UBR1: variants seen among roughly 807,000 people sequenced by gnomAD.
UBR1 encodes the protein ubiquitin protein ligase E3 component n-recognin 1, also known as E3 ubiquitin-protein ligase UBR1.
In UBR1, 102 loss-of-function variants were observed where a neutral mutation model predicts 242.1. The observed-to-expected ratio is 0.42, with a 90% confidence interval of 0.36 to 0.50. The LOEUF (loss-of-function observed/expected upper bound fraction) is 0.50, where lower values mean the gene tolerates loss of function less well. Among genes scored for constraint, UBR1 ranks in the 20% least tolerant of loss-of-function variants. The pLI is 0.01. For synonymous variants in UBR1, 675 were observed against 684.8 expected (o/e 0.99, Z 0.22); for missense variants, 1,772 against 2,101.8 (o/e 0.84, Z 3.07).
chr15:43,091,111 T>A (rs1203449310), intron 1 of UBR1, among the ~76,000 whole-genome samples: 1 of 152,138 alleles, frequency 6.6e-6, no homozygotes, highest in Non-Finnish European at 1.5e-5. Context: ...GCTAATTTTG[T>A]ATTTTTAGTA....
chr15:43,087,775 C>G (rs898202271), intron 1 of UBR1, among the ~76,000 whole-genome samples: 19 of 151,840 alleles, frequency 1.3e-4, no homozygotes, highest in African/African-American at 4.6e-4. Context: ...TATTTTTAAT[C>G]GTCAAAGACT....
intron 1 of UBR1, among the ~76,000 whole-genome samples, chr15:43,090,290 C>T (rs904077957): frequency 2.6e-5 from 4 of 151,874 alleles, no homozygotes; most frequent in African/African-American, 9.7e-5. Context: ...AAAATCATGA[C>T]GACTATTTAA....
At chr15:43,068,845 T>G (rs1373041274) in intron 5 of UBR1, among the ~76,000 whole-genome samples, 1 of 152,170 alleles carries the variant, frequency 6.6e-6, no homozygotes, top group African/African-American at 2.4e-5. Flanking sequence ...GCTCTTGAAC[T>G]CCTGACCTCA....
chr15:43,000,148 G>A (rs1654604158), intron 32 of UBR1, among the ~76,000 whole-genome samples: 1 of 151,904 alleles, frequency 6.6e-6, no homozygotes, highest in Admixed American at 6.6e-5. Flanking sequence ...TTATATTCAT[G>A]CTGATTTCCT....
chr15:43,079,119 ACT>A (rs1175297845), intron 3 of UBR1, among the ~76,000 whole-genome samples: 3 of 152,286 alleles, frequency 2.0e-5, no homozygotes, highest in South Asian at 2.1e-4. Context: ...TAAGAAAGCC[ACT>A]ATAACTGGAG....
intron 33 of UBR1, among the ~76,000 whole-genome samples, chr15:42,993,081 G>C (rs961006807): frequency 6.6e-5 from 10 of 152,076 alleles, no homozygotes; most frequent in Admixed American, 3.9e-4. Context: ...TGGCTATGAG[G>C]GGCTTCTTTT....
chr15:43,100,764 G>A (rs190188537), intron 1 of UBR1, among the ~76,000 whole-genome samples: 17 of 152,312 alleles, frequency 1.1e-4, no homozygotes, highest in Non-Finnish European at 2.1e-4. Flanking sequence ...GAATCCGGGA[G>A]GCGGAGGTTG....
chr15:43,069,989 T>C (rs567712787), intron 5 of UBR1, among the ~76,000 whole-genome samples: 21 of 152,276 alleles, frequency 1.4e-4, no homozygotes, highest in African/African-American at 4.3e-4. Context: ...ACATTTAATG[T>C]CTCTATTGAT....
intron 1 of UBR1, among the ~76,000 whole-genome samples, chr15:43,098,706 G>A (rs2034190135): frequency 6.6e-6 from 1 of 152,034 alleles, no homozygotes; most frequent in Admixed American, 6.6e-5. Context: ...CAGTCATTTT[G>A]ACTTAGAGTT....
In UBR1 at chr15:43,106,032, A is replaced by T. The variant is rs1222957679; in HGVS notation, c.-10T>A. On this transcript the variant is annotated 5_prime_UTR_variant, in exon 1 of 47. Coordinates refer to ENST00000290650, the MANE Select transcript of UBR1 (RefSeq NM_174916.3). ...CCTCCTCGTCCGCCATCTTGAGGGAAACTGACGCCTGCAGTTGCCGACCCC... is the reference window on the plus strand; with the variant it reads ...CCTCCTCGTCCGCCATCTTGAGGGATACTGACGCCTGCAGTTGCCGACCCC... 1 of 1,608,544 alleles carries T rather than the reference A, an allele frequency of 6.2e-7. No homozygotes were observed. The highest frequency in any genetic ancestry group is 1.3e-5 in the African/African-American group (1 of 74,696).
At position 43,084,206 on chromosome 15, in the gene UBR1, G is replaced by A. The variant is rs184526289; in HGVS notation, c.339-1490C>T. Among the ~76,000 whole-genome samples the A allele has an allele frequency of 8.2e-4, 125 of 151,820 alleles. 1 individual carries two copies. Among genetic ancestry groups the A allele is most frequent in the Admixed American group, 1.4e-3 (21 of 15,226 alleles). ...CATTTTGGGCCAGATATCATTTGTC[G>A]GGGGTGAACCAGACTGTCCTGTGCA... On this transcript the variant is annotated intron_variant, in intron 2 of 46. Transcript: ENST00000290650.
In UBR1 at chr15:43,024,984, C is replaced by T; in HGVS notation, c.2585-1G>A. 6.2e-7 allele frequency: 1 copy of T among 1,613,860 alleles called. No homozygotes were observed. ...TCAGGAGGTGGTGGTGGCGGCAATGCTATAGGAGGTGGGGAATGGATGGGG... is the reference window on the plus strand; with the variant it reads ...TCAGGAGGTGGTGGTGGCGGCAATGTTATAGGAGGTGGGGAATGGATGGGG... On this transcript the variant is annotated splice_acceptor_variant, in intron 24 of 46. Coordinates refer to ENST00000290650, the MANE Select transcript of UBR1 (RefSeq NM_174916.3). LOFTEE classifies it high-confidence loss of function.
Position 42,960,808 on chromosome 15 carries a change from G to A in UBR1, c.4701-107C>T, listed in dbSNP as rs141191071. On this transcript the variant is annotated intron_variant, in intron 42 of 46. Coordinates refer to ENST00000290650, the MANE Select transcript of UBR1 (RefSeq NM_174916.3). ...TTTTGAGATGGATTCTCACTCTTTC[G>A]CCCAGGCTGGAGTACAGTGGCAGCA... The A allele has an allele frequency of 2.6e-4, 313 of 1,193,742 alleles. 2 individuals are homozygous for A. The African/African-American group carries it at 3.6e-3, about 14-fold the overall frequency. The allele number at this position is 1,193,742 out of a possible 1,614,324, so 73.9% of individuals were successfully genotyped here.
At chr15:42,994,709 A>G (rs1038131931) in intron 33 of UBR1, among the ~76,000 whole-genome samples, 1 of 152,164 alleles carries the variant, frequency 6.6e-6, no homozygotes, top group African/African-American at 2.4e-5. Flanking sequence ...TTCCTTTACA[A>G]TCTCTTGGCT....
intron 3 of UBR1, among the ~76,000 whole-genome samples, chr15:43,080,017 CCTT>C (rs1277540237): frequency 6.6e-6 from 1 of 151,996 alleles, no homozygotes; most frequent in African/African-American, 2.4e-5. Flanking sequence ...ACACATGTAC[CCTT>C]CTTGAGGTGT....
intron 27 of UBR1, among the ~76,000 whole-genome samples, chr15:43,019,566 T>C (rs1255606944): frequency 6.6e-6 from 1 of 150,504 alleles, no homozygotes; most frequent in East Asian, 2.0e-4. Flanking sequence ...AGAAGCTCCA[T>C]AATCCTGGCT....
intron 37 of UBR1, among the ~76,000 whole-genome samples, chr15:42,980,161 T>G (rs1596083829): frequency 1.3e-5 from 2 of 152,348 alleles, no homozygotes; most frequent in South Asian, 4.1e-4. Context: ...CCATCATCTT[T>G]TCAGCCAAAA....
chr15:43,076,684 G>A (rs2033901985), intron 3 of UBR1, among the ~76,000 whole-genome samples: 1 of 146,296 alleles, frequency 6.8e-6, no homozygotes, highest in Admixed American at 6.8e-5. Flanking sequence ...CCCCGTCTGA[G>A]AAGTGAGGAG....
rs779175153 is a variant in UBR1 at position 43,067,935 on chromosome 15, G to A, written c.761C>T (p.Ala254Val). The change falls in exon 6 of 47, where the codon GCA becomes GTA. Residue 254 changes from alanine (A) to valine (V), a missense_variant. Coordinates refer to ENST00000290650, the MANE Select transcript of UBR1 (RefSeq NM_174916.3). The stretch of plus-strand genomic sequence containing the variant: ...GGCAGTGGTATGCAACTGGGCCTCT[G>A]CGAGCTCACAGTCAAGAGCTCTTTG... ...SLQRALDCEL[A>V]EAQLHTTAID... is the part of the protein sequence containing the mutation. The A allele has an allele frequency of 6.2e-7, 1 of 1,613,972 alleles. No individual in the cohort carries two copies. The highest frequency in any genetic ancestry group is 1.3e-5 in the African/African-American group (1 of 74,994).
Sources: gnomAD v4.1 joint callset for allele counts (sites outside exome capture counted in the v4.1 genomes callset) on GRCh38, gnomAD v4.1.1 for gene constraint, MANE v1.5 for transcripts, NCBI Gene and HGNC (gene_info 2026-07-23, HGNC 2026-07-21) for gene names.